The following KIF9 variants were observed in gnomAD, a reference collection of about 807,000 sequenced individuals.
KIF9 encodes kinesin-like protein KIF9.
In KIF9, 68 loss-of-function variants were observed where a neutral mutation model predicts 94.8. The ratio of observed to expected loss-of-function variants is 0.72; its 90% CI spans 0.59 to 0.88. The LOEUF (loss-of-function observed/expected upper bound fraction) is 0.88, where lower values mean the gene tolerates loss of function less well. Among genes scored for constraint, KIF9 ranks in the 40% least tolerant of loss-of-function variants. The pLI, the probability that KIF9 is intolerant of heterozygous loss-of-function variation, is 0.00. For synonymous variants in KIF9, 343 were observed against 362.1 expected (o/e 0.95, Z 0.60); for missense variants, 882 against 982.5 (o/e 0.90, Z 1.37).
At chr3:47,250,319 C>T (rs566796802) in intron 10 of KIF9, among the ~76,000 whole-genome samples, 2 of 152,192 alleles carry the variant, frequency 1.3e-5, no homozygotes, top group South Asian at 4.1e-4. Context: ...GTAGCAGTTA[C>T]CGTATTAAAC....
chr3:47,282,102 G>C, intron 1 of KIF9: 14 of 752,144 alleles, frequency 1.9e-5, no homozygotes, highest in Non-Finnish European at 2.3e-5. Context: ...AGTGGGCTTT[G>C]GACCCATTCC....
At chr3:47,267,872 C>CTTT (rs1210887622) in intron 5 of KIF9, among the ~76,000 whole-genome samples, 1 of 125,772 alleles carries the variant, frequency 8.0e-6, no homozygotes, top group Non-Finnish European at 1.7e-5. Flanking sequence ...TTGTGTTCTC[C>CTTT]TTTTTTTTTT....
At chr3:47,269,967 A>C (rs930610837) in intron 5 of KIF9, among the ~76,000 whole-genome samples, 2 of 151,708 alleles carry the variant, frequency 1.3e-5, no homozygotes, top group Non-Finnish European at 2.9e-5. Flanking sequence ...ACGGGGTTTC[A>C]CCATGTTGGC....
intron 20 of KIF9, among the ~76,000 whole-genome samples, chr3:47,234,557 T>C (rs1300474010): frequency 7.5e-6 from 1 of 133,990 alleles, no homozygotes; most frequent in Non-Finnish European, 1.6e-5. Context: ...CCAGCATTTT[T>C]TTTTTCTTTT....
intron 4 of KIF9, among the ~76,000 whole-genome samples, chr3:47,273,023 C>T (rs1701745580): frequency 1.3e-5 from 2 of 152,308 alleles, no homozygotes; most frequent in Middle Eastern, 3.4e-3. Flanking sequence ...GCTAGTGGGG[C>T]CCAAAGGAAG....
chr3:47,241,877 T>C (rs1402973914), intron 16 of KIF9, among the ~76,000 whole-genome samples: 1 of 104,040 alleles, frequency 9.6e-6, no homozygotes, highest in African/African-American at 4.0e-5. Context: ...TATATATATA[T>C]ATATATATTT....
chr3:47,247,973 C>A (rs1331573143), intron 11 of KIF9, 45 bp downstream of exon 11: 7 of 1,474,928 alleles, frequency 4.7e-6, no homozygotes, highest in Non-Finnish European at 6.6e-6. Flanking sequence ...TAGTCACCCC[C>A]TACCCCAGCA....
intron 20 of KIF9, among the ~76,000 whole-genome samples, chr3:47,232,482 A>G (rs1698669823): frequency 6.6e-6 from 1 of 151,298 alleles, no homozygotes; most frequent in Non-Finnish European, 1.5e-5. Context: ...ACGAGGTTTC[A>G]CCATGTTGGC....
At chr3:47,241,799 G>A (rs113981260) in intron 16 of KIF9, among the ~76,000 whole-genome samples, 6 of 133,120 alleles carry the variant, frequency 4.5e-5, no homozygotes, top group Non-Finnish European at 7.7e-5. Flanking sequence ...GTGTATATAT[G>A]TATATATGTA....
Position 47,239,597 on chromosome 3 carries a change from A to T in KIF9, c.1924+1204T>A, listed in dbSNP as rs185652222. The T allele has an allele frequency of 1.2e-4, 122 of 1,058,882 alleles. No homozygotes were observed. In the African/African-American group the frequency reaches 1.2e-3, roughly 11 times the overall value. The allele number at this position is 1,058,882 out of a possible 1,614,324, so 65.6% of individuals were successfully genotyped here. On this transcript the variant is annotated intron_variant, in intron 17 of 20. Coordinates refer to ENST00000684063, the MANE Select transcript of KIF9 (RefSeq NM_182902.4). ...GAAATAATTGTTTAATTGTTATTATATTTTTTTTCCAAGACAGTCTTCATC... is the reference window on the plus strand; with the variant it reads ...GAAATAATTGTTTAATTGTTATTATTTTTTTTTTCCAAGACAGTCTTCATC...
At chr3:47,264,197 G>GT (rs3832253) in intron 9 of KIF9, 89 bp downstream of exon 9, 35,035 of 989,584 alleles carry the variant, frequency 0.035, 2,003 homozygotes, top group Admixed American at 0.19. Context: ...TATGGCCACT[G>GT]TGCCAGGGTA....
At chr3:47,248,247 C>G (rs534684148) in intron 10 of KIF9, 161 bp from the exon 11 acceptor site, 1 of 629,024 alleles carries the variant, frequency 1.6e-6, no homozygotes, top group African/African-American at 1.8e-5. Context: ...GATTCCCTCC[C>G]GACTGGTGAC....
intron 5 of KIF9, among the ~76,000 whole-genome samples, chr3:47,270,417 C>T (rs1251204359): frequency 6.6e-6 from 1 of 151,312 alleles, no homozygotes; most frequent in Non-Finnish European, 1.5e-5. Context: ...CCACACCCAG[C>T]TTATTTTTTG....
intron 5 of KIF9, among the ~76,000 whole-genome samples, chr3:47,269,599 G>C (rs886622641): frequency 2.0e-5 from 3 of 151,856 alleles, no homozygotes; most frequent in Admixed American, 1.3e-4. Context: ...TGGTTTCTAA[G>C]AGCCTTTATT....
chr3:47,239,349 T>C (rs1699296371), intron 17 of KIF9, among the ~76,000 whole-genome samples: 1 of 152,210 alleles, frequency 6.6e-6, no homozygotes. Flanking sequence ...TCAAAGAAAG[T>C]GTGAGCAGAG....
chr3:47,266,380 A>C (rs1701290410), intron 7 of KIF9, among the ~76,000 whole-genome samples: 1 of 152,220 alleles, frequency 6.6e-6, no homozygotes, highest in Non-Finnish European at 1.5e-5. Context: ...GTGGTGGCTC[A>C]CACTTGTAAT....
chr3:47,232,229 T>C (rs1698642742), intron 20 of KIF9, among the ~76,000 whole-genome samples: 1 of 152,188 alleles, frequency 6.6e-6, no homozygotes, highest in Non-Finnish European at 1.5e-5. Flanking sequence ...GCTGATGCCT[T>C]GATGTTATAC....
chr3:47,281,329 TTTTG>T (rs1177325744), intron 1 of KIF9: 20 of 314,820 alleles, frequency 6.4e-5, no homozygotes, highest in Middle Eastern at 8.8e-4. Flanking sequence ...CACACGCTTT[TTTTG>T]TTTTTGTTTT....
chr3:47,264,226 C>T lies in KIF9; in HGVS notation c.981+60G>A, dbSNP rs76361859. On this transcript the variant is annotated intron_variant, in intron 9 of 20. Coordinates refer to ENST00000684063, the MANE Select transcript of KIF9 (RefSeq NM_182902.4). ...CAGGGTAGCCAGCCTGGAGCCTTAC[C>T]CTGCCCTGGCACCCATGAAGGGGGA... 2,716 of 1,325,326 alleles carry T rather than the reference C, an allele frequency of 2.0e-3. 49 individuals are homozygous for T. In the African/African-American group the frequency reaches 0.036, roughly 18 times the overall value. 82.1% of individuals were successfully genotyped at this position (1,325,326 alleles called of 1,614,324 possible).
Sources: allele counts gnomAD v4.1 joint callset (sites outside exome capture counted in the v4.1 genomes callset), GRCh38; gene constraint gnomAD v4.1.1; transcripts MANE v1.5; gene names NCBI Gene and HGNC (gene_info 2026-07-23, HGNC 2026-07-21).